The following SRD5A1 variants were observed in gnomAD, a reference collection of about 807,000 sequenced individuals.
The protein encoded by SRD5A1 is 3-oxo-5-alpha-steroid 4-dehydrogenase 1.
A neutral mutation model predicts 28.2 loss-of-function variants in SRD5A1; 22 were observed. That is an observed-to-expected ratio of 0.78 (90% CI 0.56 to 1.12). The LOEUF is 1.12. Among genes scored for constraint, SRD5A1 ranks in the 50% most tolerant of loss-of-function variants. The probability of loss-of-function intolerance (pLI) is 0.00; values close to 1 mark genes in which losing one functional copy is unlikely to be tolerated. For missense variants in SRD5A1, 300 were observed against 346.7 expected (o/e 0.87, Z 1.07); for synonymous variants, 151 against 135.0 (o/e 1.12, Z -0.82).
rs1166992827 is a variant in SRD5A1, at chr5:6,669,283, C to T, written c.*1015C>T. The T allele has an allele frequency of 2.0e-5, 3 of 152,186 alleles. No individual in the cohort carries two copies. The highest frequency in any genetic ancestry group is 6.5e-5 in the Admixed American group (1 of 15,282). 9.4% of individuals were successfully genotyped at this position (152,186 alleles called of 1,614,324 possible). On this transcript the variant is annotated 3_prime_UTR_variant, in exon 5 of 5. Transcript: ENST00000274192. ...AATTCTCTACAGCCTTCTTTTTCTTCCATAGCTAATCTTCCTTCTAATAGT... is the reference window on the plus strand; with the variant it reads ...AATTCTCTACAGCCTTCTTTTTCTTTCATAGCTAATCTTCCTTCTAATAGT...
At chr5:6,650,483 A>G (rs1441427924) in intron 1 of SRD5A1, among the ~76,000 whole-genome samples, 3 of 151,966 alleles carry the variant, frequency 2.0e-5, no homozygotes, top group Non-Finnish European at 4.4e-5. Context: ...CCCCTCTTTC[A>G]ATGTGTTATA....
At chr5:6,649,293 C>T (rs1006675672) in intron 1 of SRD5A1, among the ~76,000 whole-genome samples, 3 of 152,180 alleles carry the variant, frequency 2.0e-5, no homozygotes, top group Non-Finnish European at 2.9e-5. Context: ...CAGGCAGAGA[C>T]GTTTAAGTCT....
intron 1 of SRD5A1, among the ~76,000 whole-genome samples, chr5:6,639,880 A>G (rs1432664911): frequency 6.6e-6 from 1 of 152,270 alleles, no homozygotes; most frequent in Non-Finnish European, 1.5e-5. Context: ...TCTTAGAGAT[A>G]AAACTGACGA....
In SRD5A1 at chr5:6,662,891, G is replaced by A; in HGVS notation, c.638G>A (p.Ser213Asn). The change falls in exon 4 of 5, where the codon AGC becomes AAC. Residue 213 changes from serine (S) to asparagine (N), a missense_variant. Physicochemically the swap from Ser to Asn is conservative, Grantham distance 46. Coordinates refer to ENST00000274192, the MANE Select transcript of SRD5A1 (RefSeq NM_001047.4). ...GAGTGGTGTGGCTATGCCCTGGCCA[G>A]CTGGTCTGTCCAAGGCGCGGCTTTT... ...IMEWCGYALA[S>N]WSVQGAAFAF... is the part of the protein sequence containing the mutation. 6.2e-7 allele frequency: 1 copy of A among 1,613,692 alleles called. No individual in the cohort carries two copies. The highest frequency in any genetic ancestry group is 8.5e-7 in the Non-Finnish European group (1 of 1,180,048).
Position 6,674,051 on chromosome 5 carries a change from A to G in SRD5A1, c.*5783A>G, listed in dbSNP as rs569582264. 6.6e-6 allele frequency: 1 copy of G among 152,072 alleles called. No individual in the cohort carries two copies. Among genetic ancestry groups the G allele is most frequent in the Non-Finnish European group, 1.5e-5 (1 of 68,012 alleles). 9.4% of individuals were successfully genotyped at this position (152,072 alleles called of 1,614,324 possible). The stretch of plus-strand genomic sequence containing the variant: ...GAATATTATGCATTTTTCAAAACAC[A>G]TAGAATATACAACATGAAGAATGAA... On this transcript the variant is annotated 3_prime_UTR_variant, in exon 5 of 5. Transcript: ENST00000274192.
intron 1 of SRD5A1, chr5:6,645,365 C>T (rs938222952): frequency 2.6e-5 from 5 of 191,660 alleles, no homozygotes; most frequent in Admixed American, 5.6e-5. Flanking sequence ...TTGGGCTGGT[C>T]GCGGTGGCTC....
chr5:6,661,040 G>A (rs1738984254), intron 3 of SRD5A1, among the ~76,000 whole-genome samples: 1 of 152,078 alleles, frequency 6.6e-6, no homozygotes, highest in Non-Finnish European at 1.5e-5. Flanking sequence ...TGTCCTGTGG[G>A]GATCACACTT....
chr5:6,662,892 C>T lies in SRD5A1; in HGVS notation c.639C>T (p.Ser213=). ...AGTGGTGTGGCTATGCCCTGGCCAG[C>T]TGGTCTGTCCAAGGCGCGGCTTTTG... ...IMEWCGYALA[S]WSVQGAAFAF... is the part of the protein sequence containing the mutation. Residue 213 remains serine (S), a synonymous_variant, in exon 4 of 5, where the codon AGC becomes AGT. Coordinates refer to ENST00000274192, the MANE Select transcript of SRD5A1 (RefSeq NM_001047.4). The T allele has an allele frequency of 6.2e-7, 1 of 1,613,690 alleles. No individual in the cohort carries two copies. The highest frequency in any genetic ancestry group is 1.3e-5 in the African/African-American group (1 of 75,034).
At chr5:6,655,771 G>A (rs568117586) in intron 2 of SRD5A1, among the ~76,000 whole-genome samples, 6 of 152,314 alleles carry the variant, frequency 3.9e-5, no homozygotes, top group African/African-American at 1.4e-4. Flanking sequence ...GATGCTCCCT[G>A]GAAAGGAGCC....
chr5:6,640,520 C>T (rs1464422159), intron 1 of SRD5A1, among the ~76,000 whole-genome samples: 1 of 142,294 alleles, frequency 7.0e-6, no homozygotes, highest in Admixed American at 7.4e-5. Context: ...TGATGAAAAG[C>T]AAGTCTTATT....
At chr5:6,663,876 A>C (rs1196713119) in intron 4 of SRD5A1, among the ~76,000 whole-genome samples, 1 of 152,064 alleles carries the variant, frequency 6.6e-6, no homozygotes, top group Admixed American at 6.6e-5. Context: ...AAAAGAAAAA[A>C]GGAAAAGAAA....
chr5:6,672,187 A>G lies in SRD5A1; in HGVS notation c.*3919A>G, dbSNP rs560916349. On this transcript the variant is annotated 3_prime_UTR_variant, in exon 5 of 5. Transcript: ENST00000274192. Reference sequence around the variant, plus strand: ...GCATGCCTCTGAGCAGATAATTCCAATAATCAATGTCAAACTAGATATTGA... The same window carrying G: ...GCATGCCTCTGAGCAGATAATTCCAGTAATCAATGTCAAACTAGATATTGA... 3.3e-5 allele frequency: 5 copies of G among 152,334 alleles called. No homozygotes were observed. Among genetic ancestry groups the G allele is most frequent in the Non-Finnish European group, 7.3e-5 (5 of 68,050 alleles). 9.4% of individuals were successfully genotyped at this position (152,334 alleles called of 1,614,324 possible). A position where few individuals can be genotyped will look rare whatever the true frequency, so the allele number is the denominator to read the frequency against.
At position 6,673,801 on chromosome 5, in the gene SRD5A1, A is replaced by G. The variant is rs1739429430; in HGVS notation, c.*5533A>G. 1 of 152,232 alleles carries G rather than the reference A, an allele frequency of 6.6e-6. No individual in the cohort carries two copies. The allele number at this position is 152,232 out of a possible 1,614,324, so 9.4% of individuals were successfully genotyped here. A position where few individuals can be genotyped will look rare whatever the true frequency, so the allele number is the denominator to read the frequency against. ...ATTTTTTTTTAACAAAGAGCTATCA[A>G]GCCATGAAAAGATAAGGAAGAACTT... On this transcript the variant is annotated 3_prime_UTR_variant, in exon 5 of 5. Transcript: ENST00000274192.
chr5:6,666,365 G>A (rs560285880), intron 4 of SRD5A1, among the ~76,000 whole-genome samples: 149 of 152,200 alleles, frequency 9.8e-4, no homozygotes, highest in Non-Finnish European at 1.3e-3. Context: ...AGCCAGGATG[G>A]TCTTGATCTC....
chr5:6,648,392 C>T (rs565782262), intron 1 of SRD5A1, among the ~76,000 whole-genome samples: 5 of 152,314 alleles, frequency 3.3e-5, no homozygotes, highest in African/African-American at 1.2e-4. Flanking sequence ...TGGTTCCATT[C>T]TCCCCGTCAC....
intron 1 of SRD5A1, among the ~76,000 whole-genome samples, chr5:6,638,122 C>T (rs186611597): frequency 4.6e-5 from 7 of 152,230 alleles, no homozygotes; most frequent in Admixed American, 1.3e-4. Flanking sequence ...GTGGATCACA[C>T]GAGGTCAGGA....
chr5:6,655,400 G>A (rs1738801024), intron 2 of SRD5A1, among the ~76,000 whole-genome samples: 1 of 152,196 alleles, frequency 6.6e-6, no homozygotes, highest in African/African-American at 2.4e-5. Flanking sequence ...AAGAATAGGA[G>A]AGAAAACTGG....
intron 3 of SRD5A1, among the ~76,000 whole-genome samples, chr5:6,659,629 T>C (rs1738946488): frequency 6.6e-6 from 1 of 152,084 alleles, no homozygotes. Flanking sequence ...CCGGAGGAAG[T>C]GGACAGGAAA....
chr5:6,647,730 G>T (rs1738548917), intron 1 of SRD5A1, among the ~76,000 whole-genome samples: 1 of 152,134 alleles, frequency 6.6e-6, no homozygotes, highest in Admixed American at 6.6e-5. Flanking sequence ...CAGTTTGCCA[G>T]TCTGTGTCTT....
Sources: gnomAD v4.1 joint callset for allele counts (sites outside exome capture counted in the v4.1 genomes callset) on GRCh38, gnomAD v4.1.1 for gene constraint, MANE v1.5 for transcripts, NCBI Gene and HGNC (gene_info 2026-07-23, HGNC 2026-07-21) for gene names.